Variants in SYTL5 observed in about 807,000 individuals in gnomAD.
The protein encoded by SYTL5 is synaptotagmin-like protein 5.
In SYTL5, 34 loss-of-function variants were observed where a neutral mutation model predicts 55.9. That is an observed-to-expected ratio of 0.61 (90% CI 0.46 to 0.81). The LOEUF (loss-of-function observed/expected upper bound fraction) is 0.81. Among genes scored for constraint, SYTL5 ranks in the 30% least tolerant of loss-of-function variants. The pLI is 0.00. For synonymous variants in SYTL5, 221 were observed against 188.7 expected, an observed-to-expected ratio of 1.17 and a Z score of -1.40; for missense variants, 637 against 546.7, an observed-to-expected ratio of 1.17 and a Z score of -1.65.
the SYTL5 span, among the ~76,000 whole-genome samples, chrX:37,973,315 C>T: frequency 9.0e-6 from 1 of 110,968 alleles, no homozygotes; most frequent in Non-Finnish European, 1.9e-5. Context: ...AAAATCAGAG[C>T]GTAGTCCTCA....
At chrX:38,073,524 T>C (rs1936317374) in intron 4 of SYTL5, 66 bp from the exon 5 acceptor site, 1 of 818,998 alleles carries the variant, frequency 1.2e-6, no homozygotes, top group African/African-American at 2.1e-5. Flanking sequence ...GAAAGCAGAA[T>C]ATAAATTTGC....
At chrX:37,908,555 G>A in the SYTL5 span, among the ~76,000 whole-genome samples, 79 of 111,792 alleles carry the variant, frequency 7.1e-4, no homozygotes, top group Non-Finnish European at 1.2e-3. Flanking sequence ...AAGAAAATAA[G>A]TCTTTTTGAA....
chrX:37,927,910 A>T, the SYTL5 span, among the ~76,000 whole-genome samples: 1 of 112,101 alleles, frequency 8.9e-6, no homozygotes, highest in Non-Finnish European at 1.9e-5. Flanking sequence ...GGAAGTGAAA[A>T]AATGGCCTGA....
At position 38,081,000 on chromosome X, in the gene SYTL5, T is replaced by TA. The variant is rs1271166135; in HGVS notation, c.689+4306dup. On this transcript the variant is annotated intron_variant, in intron 6 of 16. Coordinates refer to ENST00000297875, the MANE Select transcript of SYTL5 (RefSeq NM_138780.3). ...AGCAAACTCCATTCCTTACCAGGCT[T>TA]AAAAAAATGTTCAAATGTATAGCAT... 1.4e-4 allele frequency among the ~76,000 whole-genome samples: 16 copies of TA among 112,046 alleles called. No individual in the cohort carries two copies. In the South Asian group the frequency reaches 5.6e-3, roughly 39 times the overall value.
chrX:38,084,184 A>C (rs1013548696), intron 6 of SYTL5, among the ~76,000 whole-genome samples: 2 of 112,215 alleles, frequency 1.8e-5, no homozygotes, highest in Non-Finnish European at 3.8e-5. Context: ...TAAAAATCCA[A>C]GAGGACAGAG....
chrX:37,990,716 C>T, the SYTL5 span: 2 of 1,013,343 alleles, frequency 2.0e-6, no homozygotes, highest in African/African-American at 3.9e-5. Flanking sequence ...GCAGCTAGCT[C>T]CCTGACCAAT....
At chrX:37,901,286 G>T in the SYTL5 span, among the ~76,000 whole-genome samples, 3 of 111,756 alleles carry the variant, frequency 2.7e-5, no homozygotes, top group Non-Finnish European at 5.6e-5. Context: ...GCATCCCAAA[G>T]ATCTTACCTC....
At chrX:38,108,088 TTGACCCCACTCTC>T (rs1179934036) in intron 11 of SYTL5, among the ~76,000 whole-genome samples, 2 of 111,973 alleles carry the variant, frequency 1.8e-5, no homozygotes, top group Non-Finnish European at 3.8e-5. Context: ...CCCATTACCA[TTGACCCCACTCTC>T]TGACATCAGA....
chrX:37,891,334 A>G, the SYTL5 span, among the ~76,000 whole-genome samples: 3 of 112,618 alleles, frequency 2.7e-5, no homozygotes, highest in Non-Finnish European at 5.6e-5. Flanking sequence ...GCTACAGCAT[A>G]TATGAACCTT....
At chrX:38,044,417 A>G (rs1935397888) in intron 2 of SYTL5, among the ~76,000 whole-genome samples, 1 of 112,109 alleles carries the variant, frequency 8.9e-6, no homozygotes, top group Non-Finnish European at 1.9e-5. Context: ...CACAAATTCA[A>G]TTTAGAGTCA....
chrX:38,103,046 C>T (rs774181656), intron 10 of SYTL5: 8 of 1,158,899 alleles, frequency 6.9e-6, no homozygotes, highest in Non-Finnish European at 4.6e-6. Flanking sequence ...CAGGTTCTGA[C>T]AGGAAGTGGA....
the SYTL5 span, among the ~76,000 whole-genome samples, chrX:37,902,711 G>A: frequency 2.7e-5 from 3 of 111,637 alleles, no homozygotes; most frequent in Non-Finnish European, 5.6e-5. Flanking sequence ...ACCCAGGAAT[G>A]GGCACATGAC....
chrX:37,952,158 G>T, the SYTL5 span, among the ~76,000 whole-genome samples: 2 of 111,324 alleles, frequency 1.8e-5, no homozygotes, highest in African/African-American at 6.5e-5. Context: ...AATAGAGAGG[G>T]GAGTTATGTC....
the SYTL5 span, among the ~76,000 whole-genome samples, chrX:37,897,864 A>T: frequency 8.9e-6 from 1 of 111,753 alleles, no homozygotes; most frequent in African/African-American, 3.3e-5. Flanking sequence ...TTGGGAGGCC[A>T]AGACAGGCAG....
chrX:37,932,738 AAGGGCTCAGC>A, the SYTL5 span, among the ~76,000 whole-genome samples: 170 of 112,241 alleles, frequency 1.5e-3, no homozygotes, highest in African/African-American at 5.5e-3. Context: ...AGAATTTGAG[AAGGGCTCAGC>A]AGGACAAATT....
chrX:38,106,475 C>A, intron 10 of SYTL5, 118 bp from the exon 11 acceptor site: 1 of 648,465 alleles, frequency 1.5e-6, no homozygotes. Context: ...TCTTTCCTCA[C>A]CCTAGACTTC....
intron 1 of SYTL5, among the ~76,000 whole-genome samples, chrX:38,018,773 A>G (rs1358686006): frequency 9.0e-6 from 1 of 111,485 alleles, no homozygotes; most frequent in Admixed American, 9.6e-5. Context: ...CCTCAGAGTC[A>G]TTCTCTTTTC....
chrX:37,908,035 T>C, the SYTL5 span, among the ~76,000 whole-genome samples: 1 of 109,355 alleles, frequency 9.1e-6, no homozygotes, highest in Non-Finnish European at 1.9e-5. Flanking sequence ...GAGGATCCCT[T>C]GAGCCCAGGA....
At chrX:38,062,341 C>T (rs891795293) in intron 3 of SYTL5, among the ~76,000 whole-genome samples, 2 of 111,888 alleles carry the variant, frequency 1.8e-5, no homozygotes, top group Non-Finnish European at 3.8e-5. Context: ...AACATATTAC[C>T]GTGCTATATG....
Sources: gnomAD v4.1 joint callset for allele counts (sites outside exome capture counted in the v4.1 genomes callset) on GRCh38, gnomAD v4.1.1 for gene constraint, MANE v1.5 for transcripts, NCBI Gene and HGNC (gene_info 2026-07-23, HGNC 2026-07-21) for gene names.